Variants in CNDP2 observed in about 807,000 individuals in gnomAD.
The protein encoded by CNDP2 is carnosine dipeptidase 2, also known as cytosolic non-specific dipeptidase.
A neutral mutation model predicts 55.0 loss-of-function variants in CNDP2; 38 were observed. The ratio of observed to expected loss-of-function variants is 0.69; its 90% confidence interval spans 0.53 to 0.90. CNDP2 has a LOEUF of 0.90. CNDP2 is among the 40% of genes least tolerant of loss of function. The pLI is 0.00. For synonymous variants in CNDP2, 241 were observed against 260.2 expected, an observed-to-expected ratio of 0.93 and a Z score of 0.71; for missense variants, 607 against 621.7, an observed-to-expected ratio of 0.98 and a Z score of 0.25.
chr18:74,501,267 G>T, intron 2 of CNDP2, 62 bp from the exon 3 acceptor site: 2 of 1,561,650 alleles, frequency 1.3e-6, no homozygotes, highest in Non-Finnish European at 1.7e-6. Flanking sequence ...AACGTTACGG[G>T]AGCCTCTTCT....
At chr18:74,512,577 T>G in intron 7 of CNDP2, 45 bp downstream of exon 7, 1 of 1,506,486 alleles carries the variant, frequency 6.6e-7, no homozygotes, top group Non-Finnish European at 9.2e-7. Context: ...GGGAAGTGGA[T>G]GGGCGTGACT....
chr18:74,514,810 A>G (rs535087882), intron 8 of CNDP2, among the ~76,000 whole-genome samples: 3 of 152,206 alleles, frequency 2.0e-5, no homozygotes, highest in Non-Finnish European at 1.5e-5. Flanking sequence ...TTGAGCCAGC[A>G]TCAGTTGAAT....
At chr18:74,512,642 C>G in intron 7 of CNDP2, 110 bp downstream of exon 7, 1 of 871,488 alleles carries the variant, frequency 1.1e-6, no homozygotes, top group Non-Finnish European at 1.8e-6. Context: ...CATGAACCAA[C>G]TTCTGTCTCA....
At chr18:74,507,520 C>G (rs1048853562) in intron 4 of CNDP2, 4 of 153,334 alleles carry the variant, frequency 2.6e-5, no homozygotes, top group African/African-American at 9.6e-5. Flanking sequence ...CTCAGGATGG[C>G]ACAGAGGGTC....
chr18:74,513,515 T>G (rs1979473038), intron 7 of CNDP2, 44 bp from the exon 8 acceptor site: 1 of 1,568,994 alleles, frequency 6.4e-7, no homozygotes, highest in African/African-American at 1.3e-5. Context: ...CTCGCCTTGG[T>G]GCGGCCTCCC....
chr18:74,501,980 G>A (rs551187710), intron 3 of CNDP2, among the ~76,000 whole-genome samples: 15 of 151,940 alleles, frequency 9.9e-5, no homozygotes, highest in South Asian at 4.2e-4. Context: ...TGCAACCTCC[G>A]CCTCCCGGGT....
rs149014910 is a variant in CNDP2 at position 74,518,535 on chromosome 18, C to T, written c.1105C>T (p.Arg369Cys). ...CCTAACTAAGAAGTTTGCTGAACTA[C>T]GCAGCCCCAATGAGTTCAAGGTGTA... is the stretch of plus-strand genomic sequence containing the variant. ...SYLTKKFAEL[R>C]SPNEFKVYMG... Residue 369 changes from arginine (R) to cysteine (C), a missense_variant, in exon 10 of 12, where the codon CGC (arginine) becomes TGC (cysteine). By Grantham distance (180) the Arg-to-Cys change is radical. Transcript: ENST00000324262. The T allele has an allele frequency of 3.0e-5, 48 of 1,614,076 alleles. 1 individual carries two copies. Among genetic ancestry groups the T allele is most frequent in the South Asian group, 1.6e-4 (15 of 91,096 alleles).
intron 1 of CNDP2, chr18:74,499,346 G>A (rs752813095): frequency 2.0e-5 from 3 of 152,544 alleles, no homozygotes; most frequent in African/African-American, 7.2e-5. Context: ...GAGAGCATGC[G>A]CGCTGGAGCC....
intron 4 of CNDP2, 197 bp from the exon 5 acceptor site, chr18:74,508,642 TG>T: frequency 1.8e-6 from 1 of 555,702 alleles, no homozygotes; most frequent in Non-Finnish European, 3.3e-6. Flanking sequence ...AGCATCCACG[TG>T]GCTTATCTCT....
At chr18:74,511,126 A>G in intron 6 of CNDP2, 113 bp downstream of exon 6, 1 of 901,658 alleles carries the variant, frequency 1.1e-6, no homozygotes, top group South Asian at 1.7e-5. Flanking sequence ...GGAGAAGCAC[A>G]GGGCTCACTT....
At chr18:74,513,507 C>T (rs1363899360) in intron 7 of CNDP2, 52 bp from the exon 8 acceptor site, 7 of 1,548,438 alleles carry the variant, frequency 4.5e-6, no homozygotes, top group East Asian at 4.6e-5. Flanking sequence ...AAGAGCAGCT[C>T]GCCTTGGTGC....
intron 6 of CNDP2, among the ~76,000 whole-genome samples, 174 bp from the exon 7 acceptor site, chr18:74,512,274 T>C (rs947211859): frequency 6.6e-6 from 1 of 152,244 alleles, no homozygotes. Context: ...GGTATGTTTT[T>C]GTTCCTGCCT....
In CNDP2 at chr18:74,522,371, C is replaced by G. The variant is rs1350294659; in HGVS notation, c.*2303C>G. On this transcript the variant is annotated 3_prime_UTR_variant, in exon 12 of 12. Coordinates refer to ENST00000324262, the MANE Select transcript of CNDP2 (RefSeq NM_018235.3). ...ACTGCATGGTCTTCCCCCAGAAATC[C>G]TAAGAGTAGCTGCTGGTGTCTCATG... 1 of 152,230 alleles carries G rather than the reference C, an allele frequency of 6.6e-6. No individual in the cohort carries two copies. Among genetic ancestry groups the G allele is most frequent in the Non-Finnish European group, 1.5e-5 (1 of 68,040 alleles). 9.4% of individuals were successfully genotyped at this position (152,230 alleles called of 1,614,324 possible).
chr18:74,518,916 G>A (rs1336577992), intron 10 of CNDP2, 33 bp from the exon 11 acceptor site: 1 of 1,602,960 alleles, frequency 6.2e-7, no homozygotes, highest in South Asian at 1.1e-5. Context: ...GGGCCCCAAA[G>A]CTCACCGTTT....
intron 3 of CNDP2, 120 bp from the exon 4 acceptor site, chr18:74,505,729 C>A: frequency 9.2e-7 from 1 of 1,082,912 alleles, no homozygotes; most frequent in South Asian, 1.5e-5. Flanking sequence ...TTAAACTCTA[C>A]AATAGAGGTT....
intron 8 of CNDP2, among the ~76,000 whole-genome samples, chr18:74,515,436 T>A (rs1979612704): frequency 6.6e-6 from 1 of 152,100 alleles, no homozygotes; most frequent in South Asian, 2.1e-4. Flanking sequence ...CTGTTTCTCC[T>A]GCCCTGACCC....
rs1326370667 is a variant in CNDP2 at position 74,518,654 on chromosome 18, C to G, written c.1210+14C>G. On this transcript the variant is annotated intron_variant, in intron 10 of 11. Transcript: ENST00000324262. Reference sequence around the variant, plus strand: ...CCATGAAGACAGGTTGGACGCTCTCCTTGTGGATGATGCCGCGCAGGGCCC... The same window carrying G: ...CCATGAAGACAGGTTGGACGCTCTCGTTGTGGATGATGCCGCGCAGGGCCC... 5.0e-6 allele frequency: 8 copies of G among 1,613,810 alleles called. No homozygotes were observed. The East Asian group carries it at 1.8e-4, about 36-fold the overall frequency.
At chr18:74,501,606 C>G in intron 3 of CNDP2, 134 bp downstream of exon 3, 1 of 1,182,214 alleles carries the variant, frequency 8.5e-7, no homozygotes, top group Non-Finnish European at 1.2e-6. Flanking sequence ...AAGGAAGGGC[C>G]TGATTTGGAT....
At chr18:74,500,571 C>T (rs1469732918) in intron 2 of CNDP2, among the ~76,000 whole-genome samples, 1 of 152,178 alleles carries the variant, frequency 6.6e-6, no homozygotes, top group Non-Finnish European at 1.5e-5. Flanking sequence ...ATTTACGGAA[C>T]CTGGTACATT....
Sources: gnomAD v4.1 joint callset for allele counts (sites outside exome capture counted in the v4.1 genomes callset) on GRCh38, gnomAD v4.1.1 for gene constraint, MANE v1.5 for transcripts, NCBI Gene and HGNC (gene_info 2026-07-23, HGNC 2026-07-21) for gene names.